The following MBNL1 variants were observed in gnomAD, a reference collection of about 807,000 sequenced individuals.
The protein encoded by MBNL1 is muscleblind-like protein 1.
Under a neutral mutation model 42.2 loss-of-function variants are expected in MBNL1, and 8 were observed. The observed-to-expected ratio is 0.19, with a 90% CI of 0.11 to 0.34. MBNL1 has a LOEUF of 0.34. Ranked by LOEUF, MBNL1 falls within the 10% of genes least tolerant of loss-of-function variation. The pLI is 1.00. For missense variants in MBNL1, 309 were observed against 495.3 expected (o/e 0.62, Z 3.57); for synonymous variants, 169 against 173.9 (o/e 0.97, Z 0.22).
chr3:152,389,502 T>TA (rs1169906296), intron 2 of MBNL1, among the ~76,000 whole-genome samples: 3 of 152,282 alleles, frequency 2.0e-5, no homozygotes, highest in African/African-American at 7.2e-5. Flanking sequence ...ACCTGGACGA[T>TA]ATGGCCTCCT....
chr3:152,445,304 G>C lies in MBNL1; in HGVS notation c.572G>C (p.Gly191Ala). Residue 191 changes from glycine (G) to alanine (A), a missense_variant, in exon 5 of 10, where the codon GGC (glycine) becomes GCC (alanine). Physicochemically the swap from Gly to Ala is moderately conservative, Grantham distance 60. Coordinates refer to ENST00000324210, the MANE Select transcript of MBNL1 (RefSeq NM_021038.5). ...RLEVCREYQRGNCNRGENDCR... is the reference protein window; with the variant it reads ...RLEVCREYQRANCNRGENDCR... Reference sequence around the variant, plus strand: ...TAGGTATGTCGAGAGTACCAACGTGGCAATTGCAACCGAGGAGAAAATGAT... The same window carrying C: ...TAGGTATGTCGAGAGTACCAACGTGCCAATTGCAACCGAGGAGAAAATGAT... The C allele has an allele frequency of 6.2e-7, 1 of 1,613,974 alleles. No homozygotes were observed.
intron 1 of MBNL1, among the ~76,000 whole-genome samples, chr3:152,272,980 G>A (rs1386275628): frequency 6.6e-6 from 1 of 152,182 alleles, no homozygotes; most frequent in Non-Finnish European, 1.5e-5. Context: ...AATGGATGTT[G>A]TGGATTCTTC....
In MBNL1 at chr3:152,259,755, G is replaced by T. The variant is rs1576806478; in HGVS notation, n.333+15315G>T. Among the ~76,000 whole-genome samples, 3 of 152,252 alleles carry T rather than the reference G, an allele frequency of 2.0e-5. No individual in the cohort carries two copies. The East Asian group carries it at 5.8e-4, about 29-fold the overall frequency. ...TCACTATTTCATGCAACTAGTAATA[G>T]AATTCTGTCCTTACAAATGAAGAAG... On this transcript the variant is annotated intron_variant and non_coding_transcript_variant, in intron 2 of 2. Coordinates refer to the MBNL1 transcript ENST00000477171.
At chr3:152,332,733 T>TGCGCGC (rs1455777180) in intron 2 of MBNL1, among the ~76,000 whole-genome samples, 2 of 133,466 alleles carry the variant, frequency 1.5e-5, no homozygotes, top group Middle Eastern at 6.7e-3. Context: ...TGTGTGTGTG[T>TGCGCGC]GTGTGTGCGC....
intron 9 of MBNL1, among the ~76,000 whole-genome samples, chr3:152,461,607 G>C (rs1746026231): frequency 6.6e-6 from 1 of 152,154 alleles, no homozygotes; most frequent in Non-Finnish European, 1.5e-5. Context: ...TTTAACAAAT[G>C]ATTGCTCATC....
intron 1 of MBNL1, among the ~76,000 whole-genome samples, chr3:152,271,150 T>C (rs372370532): frequency 9.9e-5 from 15 of 152,168 alleles, no homozygotes; most frequent in Admixed American, 8.5e-4. Flanking sequence ...GTTTGAGATA[T>C]TATTGCTTGT....
chr3:152,442,844 C>G (rs1486675345), intron 4 of MBNL1, among the ~76,000 whole-genome samples: 7 of 152,184 alleles, frequency 4.6e-5, no homozygotes, highest in Admixed American at 3.9e-4. Flanking sequence ...CTGTAACTCT[C>G]ACCAGTACAA....
At chr3:152,409,508 A>G (rs905471981) in intron 2 of MBNL1, among the ~76,000 whole-genome samples, 2 of 152,204 alleles carry the variant, frequency 1.3e-5, no homozygotes, top group African/African-American at 4.8e-5. Context: ...CTAACTACCA[A>G]ACTTGTTAGC....
intron 2 of MBNL1, chr3:152,302,464 T>G (rs2061105053): frequency 6.6e-6 from 1 of 152,162 alleles, no homozygotes; most frequent in Admixed American, 6.5e-5. Context: ...AATATGTAAT[T>G]AAGCATTTAT....
chr3:152,372,492 G>A (rs1305011399), intron 2 of MBNL1, among the ~76,000 whole-genome samples: 1 of 152,106 alleles, frequency 6.6e-6, no homozygotes, highest in Non-Finnish European at 1.5e-5. Flanking sequence ...TGTGGACATC[G>A]TTTTTGTTGA....
At chr3:152,424,042 C>T (rs1197165950) in intron 3 of MBNL1, among the ~76,000 whole-genome samples, 3 of 152,100 alleles carry the variant, frequency 2.0e-5, no homozygotes, top group African/African-American at 7.2e-5. Context: ...CCTCCCTCAC[C>T]ACTCCTATTC....
chr3:152,258,509 G>T (rs891366835), intron 2 of MBNL1, among the ~76,000 whole-genome samples: 1 of 152,168 alleles, frequency 6.6e-6, no homozygotes, highest in African/African-American at 2.4e-5. Flanking sequence ...GCACCAAGTT[G>T]GTTGTCAGGG....
chr3:152,352,821 G>A (rs1393197918), intron 2 of MBNL1, among the ~76,000 whole-genome samples: 1 of 152,212 alleles, frequency 6.6e-6, no homozygotes, highest in Non-Finnish European at 1.5e-5. Context: ...GGCTAACACT[G>A]TTGTGTCAGT....
intron 2 of MBNL1, among the ~76,000 whole-genome samples, chr3:152,305,484 T>G (rs1390599905): frequency 6.6e-6 from 1 of 151,890 alleles, no homozygotes; most frequent in Non-Finnish European, 1.5e-5. Flanking sequence ...TTGAGGAAAT[T>G]TGAATTTTTT....
chr3:152,387,303 C>T (rs2153448710), intron 2 of MBNL1, among the ~76,000 whole-genome samples: 1 of 150,548 alleles, frequency 6.6e-6, no homozygotes, highest in African/African-American at 2.4e-5. Flanking sequence ...AACCCTGCAC[C>T]AAGTACAAGA....
intron 2 of MBNL1, among the ~76,000 whole-genome samples, chr3:152,378,533 G>A (rs1043705835): frequency 6.6e-6 from 1 of 151,904 alleles, no homozygotes; most frequent in African/African-American, 2.4e-5. Flanking sequence ...TTATGTAATA[G>A]CTAGACAGCT....
At chr3:152,273,661 G>T (rs976149776) in intron 1 of MBNL1, among the ~76,000 whole-genome samples, 3 of 152,126 alleles carry the variant, frequency 2.0e-5, no homozygotes, top group Non-Finnish European at 4.4e-5. Context: ...ACGAAATGTA[G>T]CCATATTGGA....
chr3:152,330,457 GA>G (rs941568872), intron 2 of MBNL1, among the ~76,000 whole-genome samples: 3 of 151,522 alleles, frequency 2.0e-5, no homozygotes, highest in East Asian at 1.9e-4. Context: ...TTTATATCAG[GA>G]AAAAAAATGC....
At chr3:152,335,007 G>A in intron 2 of MBNL1, 3 of 1,001,448 alleles carry the variant, frequency 3.0e-6, no homozygotes, top group South Asian at 3.3e-5. Context: ...GCAAGGAGAT[G>A]GGTCTAAATG....
Sources: gnomAD v4.1 joint callset for allele counts (sites outside exome capture counted in the v4.1 genomes callset) on GRCh38, gnomAD v4.1.1 for gene constraint, MANE v1.5 for transcripts, NCBI Gene and HGNC (gene_info 2026-07-23, HGNC 2026-07-21) for gene names.